Variants in CCDC60 observed in about 807,000 individuals in gnomAD.
CCDC60 encodes the protein coiled-coil domain-containing protein 60.
A neutral mutation model predicts 63.5 loss-of-function variants in CCDC60; 54 were observed. That is an observed-to-expected ratio of 0.85 (90% CI 0.68 to 1.07). The LOEUF is 1.07. Among genes scored for constraint, CCDC60 ranks in the 50% least tolerant of loss-of-function variants. The pLI is 0.00. For missense variants in CCDC60, 651 were observed against 684.3 expected (o/e 0.95, Z 0.54); for synonymous variants, 206 against 238.8 (o/e 0.86, Z 1.27).
intron 1 of CCDC60, among the ~76,000 whole-genome samples, chr12:119,363,778 G>A (rs1955814545): frequency 6.6e-6 from 1 of 152,086 alleles, no homozygotes; most frequent in Non-Finnish European, 1.5e-5. Context: ...GCTTTTGTAG[G>A]TGCGAAAATA....
chr12:119,439,220 T>C (rs535449151), intron 2 of CCDC60, among the ~76,000 whole-genome samples: 1 of 144,968 alleles, frequency 6.9e-6, no homozygotes, highest in South Asian at 2.3e-4. Flanking sequence ...CTTAGCTACA[T>C]GGGTCCTTAG....
intron 8 of CCDC60, among the ~76,000 whole-genome samples, chr12:119,519,382 T>C (rs1952436532): frequency 1.3e-5 from 2 of 150,518 alleles, no homozygotes; most frequent in South Asian, 2.1e-4. Flanking sequence ...AATCAGAATA[T>C]CCAGAGGTAG....
intron 1 of CCDC60, among the ~76,000 whole-genome samples, chr12:119,369,131 G>C (rs1308574104): frequency 2.0e-5 from 3 of 152,198 alleles, no homozygotes; most frequent in Non-Finnish European, 4.4e-5. Flanking sequence ...AGGCAGGTTG[G>C]TACAAGAGAA....
chr12:119,458,848 G>A (rs926049189), intron 2 of CCDC60, among the ~76,000 whole-genome samples: 1 of 152,120 alleles, frequency 6.6e-6, no homozygotes, highest in Non-Finnish European at 1.5e-5. Context: ...CTGGGTTCAA[G>A]CGATTCTCTT....
chr12:119,381,102 C>T (rs1420664399), intron 1 of CCDC60, among the ~76,000 whole-genome samples: 2 of 152,196 alleles, frequency 1.3e-5, no homozygotes, highest in Non-Finnish European at 2.9e-5. Context: ...AGGGAGGTCA[C>T]CACTCGGTAA....
In CCDC60 at chr12:119,480,978, C is replaced by T. The variant is rs564153398; in HGVS notation, c.449+1777C>T. On this transcript the variant is annotated intron_variant, in intron 4 of 13. Coordinates refer to ENST00000327554, the MANE Select transcript of CCDC60 (RefSeq NM_178499.5). ...CCATCATCACCATCACCATCATTAT[C>T]ACCATCATCATCACCAGCATCATCA... Among the ~76,000 whole-genome samples, 9 of 151,170 alleles carry T rather than the reference C, an allele frequency of 6.0e-5. No homozygotes were observed. In the East Asian group the frequency reaches 1.8e-3, roughly 30 times the overall value.
chr12:119,483,966 C>A (rs1951382606), intron 4 of CCDC60, among the ~76,000 whole-genome samples: 1 of 150,382 alleles, frequency 6.6e-6, no homozygotes. Flanking sequence ...TGTTTCACTG[C>A]AGATTAGAAG....
At chr12:119,367,756 G>A (rs1955855123) in intron 1 of CCDC60, among the ~76,000 whole-genome samples, 1 of 152,184 alleles carries the variant, frequency 6.6e-6, no homozygotes, top group South Asian at 2.1e-4. Flanking sequence ...TATGCAAAAT[G>A]AAAGAAGCTG....
At chr12:119,399,600 T>C (rs2136219884) in intron 1 of CCDC60, among the ~76,000 whole-genome samples, 1 of 152,276 alleles carries the variant, frequency 6.6e-6, no homozygotes, top group Non-Finnish European at 1.5e-5. Flanking sequence ...TCAAAGGGAA[T>C]CTGGAACTTG....
At position 119,345,503 on chromosome 12, in the gene CCDC60, A is replaced by AAAATAAAT. The variant is rs71072508; in HGVS notation, c.90+10256_90+10263dup. ...GGTGACAGAGTGAGACTCCATCTCA[A>AAAATAAAT]AAATAAATAAATAAATAAATAAATA... On this transcript the variant is annotated intron_variant, in intron 1 of 13. Coordinates refer to ENST00000327554, the MANE Select transcript of CCDC60 (RefSeq NM_178499.5). 6.1e-3 allele frequency among the ~76,000 whole-genome samples: 918 copies of AAAATAAAT among 150,484 alleles called. 7 individuals are homozygous for AAAATAAAT. The highest frequency in any genetic ancestry group is 0.02 in the African/African-American group (810 of 41,096).
intron 2 of CCDC60, among the ~76,000 whole-genome samples, chr12:119,453,069 T>C (rs1010353835): frequency 1.3e-5 from 2 of 152,182 alleles, no homozygotes; most frequent in African/African-American, 4.8e-5. Flanking sequence ...TCAGGCAATC[T>C]GCCCACCTCA....
intron 1 of CCDC60, among the ~76,000 whole-genome samples, chr12:119,377,800 G>T (rs544546302): frequency 2.6e-5 from 4 of 152,210 alleles, no homozygotes; most frequent in East Asian, 1.9e-4. Flanking sequence ...TAAACCCTTT[G>T]CCAAGGAGCA....
intron 1 of CCDC60, among the ~76,000 whole-genome samples, chr12:119,342,692 T>C (rs1955545002): frequency 6.6e-6 from 1 of 152,192 alleles, no homozygotes; most frequent in Non-Finnish European, 1.5e-5. Flanking sequence ...CTAACATGTA[T>C]TGAGTTCCAA....
intron 2 of CCDC60, among the ~76,000 whole-genome samples, chr12:119,445,681 C>T (rs1293405990): frequency 6.6e-6 from 1 of 152,036 alleles, no homozygotes; most frequent in African/African-American, 2.4e-5. Flanking sequence ...GCATCTATGA[C>T]TATGTGTTAA....
intron 2 of CCDC60, among the ~76,000 whole-genome samples, chr12:119,441,181 G>A (rs1314801799): frequency 6.6e-6 from 1 of 152,118 alleles, no homozygotes; most frequent in Non-Finnish European, 1.5e-5. Context: ...ATACAGGGCG[G>A]GGGGAGTCAG....
chr12:119,362,152 G>T (rs544428479), intron 1 of CCDC60, among the ~76,000 whole-genome samples: 1 of 151,984 alleles, frequency 6.6e-6, no homozygotes, highest in Non-Finnish European at 1.5e-5. Context: ...TTACCTACTT[G>T]TATGTATTTA....
At chr12:119,493,763 A>T (rs1951652282) in intron 5 of CCDC60, among the ~76,000 whole-genome samples, 1 of 152,092 alleles carries the variant, frequency 6.6e-6, no homozygotes, top group Non-Finnish European at 1.5e-5. Context: ...GTAGGATCTG[A>T]TTTTTTCATG....
At chr12:119,425,571 G>A (rs568819422) in intron 1 of CCDC60, among the ~76,000 whole-genome samples, 1 of 152,180 alleles carries the variant, frequency 6.6e-6, no homozygotes, top group Non-Finnish European at 1.5e-5. Flanking sequence ...AGATTCCAGT[G>A]AAGCTTGATC....
At chr12:119,382,512 T>A (rs1956018548) in intron 1 of CCDC60, among the ~76,000 whole-genome samples, 1 of 152,192 alleles carries the variant, frequency 6.6e-6, no homozygotes, top group Non-Finnish European at 1.5e-5. Context: ...GGGAAGAGCA[T>A]CTGTGAAGGC....
Sources: allele counts gnomAD v4.1 joint callset (sites outside exome capture counted in the v4.1 genomes callset), GRCh38; gene constraint gnomAD v4.1.1; transcripts MANE v1.5; gene names NCBI Gene and HGNC (gene_info 2026-07-23, HGNC 2026-07-21).